OTULIN: variants seen among roughly 807,000 people sequenced by gnomAD.
OTULIN encodes OTU deubiquitinase with linear linkage specificity, also known as ubiquitin thioesterase otulin.
A neutral mutation model predicts 39.6 loss-of-function variants in OTULIN; 15 were observed. That is an observed-to-expected ratio of 0.38 (90% confidence interval 0.25 to 0.58). The LOEUF (loss-of-function observed/expected upper bound fraction) is 0.58. Ranked by LOEUF, OTULIN falls within the 20% of genes least tolerant of loss-of-function variation. The pLI, the probability that OTULIN is intolerant of heterozygous loss-of-function variation, is 0.66. For synonymous variants in OTULIN, 156 were observed against 170.3 expected (o/e 0.92, Z 0.65); for missense variants, 319 against 445.9 (o/e 0.72, Z 2.56).
the OTULIN span, chr5:14,705,089 T>C: frequency 1.3e-5 from 2 of 152,180 alleles, no homozygotes; most frequent in Admixed American, 6.5e-5. Context: ...CCAACTCCTG[T>C]GCTTAAGCGA....
At position 14,694,924 on chromosome 5, in the gene OTULIN, C is replaced by T. The variant is rs1426757076; in HGVS notation, c.*1876C>T. On this transcript the variant is annotated 3_prime_UTR_variant, in exon 7 of 7. Coordinates refer to ENST00000284274, the MANE Select transcript of OTULIN (RefSeq NM_138348.6). The stretch of plus-strand genomic sequence containing the variant: ...CATTAATTTCTGATGTTTTTTAAAG[C>T]ACAACTCGAAACATTTCGATCATAC... 3 of 152,558 alleles carry T rather than the reference C, an allele frequency of 2.0e-5. No individual in the cohort carries two copies. Among genetic ancestry groups the T allele is most frequent in the Admixed American group, 6.5e-5 (1 of 15,288 alleles). The allele number at this position is 152,558 out of a possible 1,614,324, so 9.5% of individuals were successfully genotyped here. A position where few individuals can be genotyped will look rare whatever the true frequency, so the allele number is the denominator to read the frequency against.
intron 1 of OTULIN, among the ~76,000 whole-genome samples, chr5:14,670,914 A>G (rs1482534315): frequency 6.6e-6 from 1 of 152,116 alleles, no homozygotes; most frequent in Non-Finnish European, 1.5e-5. Context: ...CTTGGTGGCC[A>G]TGAAGTAAGC....
chr5:14,677,576 C>G (rs972865516), intron 2 of OTULIN, among the ~76,000 whole-genome samples: 1 of 152,114 alleles, frequency 6.6e-6, no homozygotes, highest in African/African-American at 2.4e-5. Flanking sequence ...AAAATCAAAC[C>G]CCAAACCATA....
At chr5:14,669,410 T>TA (rs1228895617) in intron 1 of OTULIN, among the ~76,000 whole-genome samples, 7 of 152,154 alleles carry the variant, frequency 4.6e-5, no homozygotes, top group African/African-American at 1.7e-4. Context: ...AACTTGAAAA[T>TA]ATACACTTTA....
intron 1 of OTULIN, among the ~76,000 whole-genome samples, chr5:14,667,083 C>T (rs1263078297): frequency 6.6e-6 from 1 of 152,174 alleles, no homozygotes; most frequent in Non-Finnish European, 1.5e-5. Context: ...AAAATGTTTA[C>T]ACTTAGAAGT....
At chr5:14,708,719 C>G in the OTULIN span, 2 of 152,200 alleles carry the variant, frequency 1.3e-5, no homozygotes, top group Non-Finnish European at 1.5e-5. Flanking sequence ...ACAAGTCCTG[C>G]CAAATCAGCT....
intron 1 of OTULIN, among the ~76,000 whole-genome samples, chr5:14,669,093 G>A: frequency 6.6e-6 from 1 of 152,202 alleles, no homozygotes; most frequent in Non-Finnish European, 1.5e-5. Context: ...GCCGGGCGCG[G>A]TGGCTCACAC....
At position 14,699,742 on chromosome 5, in the gene OTULIN, G is replaced by T. The variant is rs1337050304; in HGVS notation, c.*6694G>T. Reference sequence around the variant, plus strand: ...GTGTGTTTAGAACGAGAAGTTGTTTGTACAGTATTTTTCTATTGACCGCTT... The same window carrying T: ...GTGTGTTTAGAACGAGAAGTTGTTTTTACAGTATTTTTCTATTGACCGCTT... On this transcript the variant is annotated 3_prime_UTR_variant, in exon 7 of 7. Transcript: ENST00000284274. The T allele has an allele frequency of 6.6e-6, 1 of 152,176 alleles. No homozygotes were observed. Among genetic ancestry groups the T allele is most frequent in the Non-Finnish European group, 1.5e-5 (1 of 68,040 alleles). The allele number at this position is 152,176 out of a possible 1,614,324, so 9.4% of individuals were successfully genotyped here. A position where few individuals can be genotyped will look rare whatever the true frequency, so the allele number is the denominator to read the frequency against.
chr5:14,716,283 A>G, the OTULIN span, among the ~76,000 whole-genome samples: 8 of 152,210 alleles, frequency 5.3e-5, no homozygotes, highest in African/African-American at 1.9e-4. Context: ...ACTTGAGGCC[A>G]GGAGTTCAAG....
intron 3 of OTULIN, among the ~76,000 whole-genome samples, chr5:14,680,051 A>G (rs1449136742): frequency 6.6e-6 from 1 of 152,166 alleles, no homozygotes; most frequent in East Asian, 1.9e-4. Flanking sequence ...TTTGTTTCGA[A>G]TATTCTTTTG....
chr5:14,675,195 C>T (rs905000238), intron 2 of OTULIN, among the ~76,000 whole-genome samples: 2 of 151,836 alleles, frequency 1.3e-5, no homozygotes, highest in Non-Finnish European at 2.9e-5. Context: ...ATTATGGTGC[C>T]AAAAAAAATT....
At chr5:14,669,776 AC>A (rs1735937055) in intron 1 of OTULIN, among the ~76,000 whole-genome samples, 1 of 152,154 alleles carries the variant, frequency 6.6e-6, no homozygotes, top group African/African-American at 2.4e-5. Flanking sequence ...TTCTCAAAAA[AC>A]GTATATATAA....
Position 14,678,666 on chromosome 5 carries a change from T to A in OTULIN, c.230-15T>A, listed in dbSNP as rs201861710. The A allele has an allele frequency of 8.7e-3, 13,130 of 1,507,646 alleles. 62 individuals carry two copies. Among genetic ancestry groups the A allele is most frequent in the Non-Finnish European group, 0.01 (11,279 of 1,117,182 alleles). 93.4% of individuals were successfully genotyped at this position (1,507,646 alleles called of 1,614,324 possible). On this transcript the variant is annotated splice_polypyrimidine_tract_variant and intron_variant, in intron 2 of 6. Coordinates refer to ENST00000284274, the MANE Select transcript of OTULIN (RefSeq NM_138348.6). Reference sequence around the variant, plus strand: ...ATTTATTATTTGCTTTTTTTTTTTTTAAATTCTTTAACAGAACCGAGATTA... The same window carrying A: ...ATTTATTATTTGCTTTTTTTTTTTTAAAATTCTTTAACAGAACCGAGATTA...
chr5:14,671,710 A>G (rs1735982449), intron 1 of OTULIN, among the ~76,000 whole-genome samples: 2 of 152,192 alleles, frequency 1.3e-5, no homozygotes, highest in South Asian at 4.1e-4. Context: ...TTTTTCTGAT[A>G]CTTGTTCCCT....
intron 1 of OTULIN, among the ~76,000 whole-genome samples, chr5:14,669,784 A>G (rs998319923): frequency 2.6e-5 from 4 of 152,180 alleles, no homozygotes; most frequent in Admixed American, 1.3e-4. Context: ...AAACGTATAT[A>G]TAATTTTTTA....
In OTULIN at chr5:14,690,030, T is replaced by G; in HGVS notation, c.595-9T>G. 1 of 1,606,554 alleles carries G rather than the reference T, an allele frequency of 6.2e-7. No individual in the cohort carries two copies. Among genetic ancestry groups the G allele is most frequent in the Non-Finnish European group, 8.5e-7 (1 of 1,176,272 alleles). ...AAATTCTAATTATTACATAACTTTCTTATTGTAGTGGGCAGGCTTGGCTGA... is the reference window on the plus strand; with the variant it reads ...AAATTCTAATTATTACATAACTTTCGTATTGTAGTGGGCAGGCTTGGCTGA... On this transcript the variant is annotated splice_polypyrimidine_tract_variant and intron_variant, in intron 5 of 6. Transcript: ENST00000284274. The surrounding 1 kb of genome is among the most constrained non-coding windows in gnomAD (Gnocchi z 4.5).
the OTULIN span, chr5:14,705,314 T>C: frequency 6.6e-6 from 1 of 152,204 alleles, no homozygotes; most frequent in Non-Finnish European, 1.5e-5. Context: ...TCACTGCTAA[T>C]GTTCAGATCT....
Position 14,681,571 on chromosome 5 carries a change from G to T in OTULIN, c.432G>T (p.Gly144=), listed in dbSNP as rs1236540068. 6.2e-7 allele frequency: 1 copy of T among 1,614,022 alleles called. No homozygotes were observed. The highest frequency in any genetic ancestry group is 1.1e-5 in the South Asian group (1 of 91,070). Reference sequence around the variant, plus strand: ...TCCAGGCCATGAGCCAGGCTGTGGGGCTGCCGCCCTGGCTGCAGGACCCGG... The same window carrying T: ...TCCAGGCCATGAGCCAGGCTGTGGGTCTGCCGCCCTGGCTGCAGGACCCGG... ...TLFQAMSQAV[G]LPPWLQDPEL... Residue 144 remains glycine (G), a synonymous_variant, in exon 4 of 7, where the codon GGG becomes GGT. Coordinates refer to ENST00000284274, the MANE Select transcript of OTULIN (RefSeq NM_138348.6).
At chr5:14,702,061 G>A (rs932379983), downstream of OTULIN, among the ~76,000 whole-genome samples, 5 of 152,176 alleles carry the variant, frequency 3.3e-5, no homozygotes, top group African/African-American at 1.2e-4. Flanking sequence ...CCAAGCCCAA[G>A]GTGAGCAGGA....
Sources: gnomAD v4.1 joint callset for allele counts (sites outside exome capture counted in the v4.1 genomes callset) on GRCh38, gnomAD v4.1.1 for gene constraint, Gnocchi (gnomAD v3.1) non-coding constraint, MANE v1.5 for transcripts, NCBI Gene and HGNC (gene_info 2026-07-23, HGNC 2026-07-21) for gene names.